PPIL6: variants seen among roughly 807,000 people sequenced by gnomAD.
The protein encoded by PPIL6 is probable inactive peptidyl-prolyl cis-trans isomerase-like 6.
A neutral mutation model predicts 36.8 loss-of-function variants in PPIL6; 39 were observed. That is an observed-to-expected ratio of 1.06 (90% CI 0.82 to 1.38). The LOEUF is 1.38. Among genes scored for constraint, PPIL6 ranks in the 40% most tolerant of loss-of-function variants. PPIL6 has a pLI of 0.00. For synonymous variants in PPIL6, 123 were observed against 134.1 expected (o/e 0.92, Z 0.57); for missense variants, 368 against 379.1 (o/e 0.97, Z 0.24).
At chr6:109,394,999 T>A (rs1772237332) in intron 7 of PPIL6, among the ~76,000 whole-genome samples, 2 of 152,186 alleles carry the variant, frequency 1.3e-5, no homozygotes, top group South Asian at 4.1e-4. Flanking sequence ...CCTCCTTATA[T>A]TCTCTATCTT....
At chr6:109,419,584 G>A (rs930881728) in intron 5 of PPIL6, among the ~76,000 whole-genome samples, 11 of 151,958 alleles carry the variant, frequency 7.2e-5, no homozygotes, top group South Asian at 2.1e-4. Context: ...TTAGCTGGGC[G>A]TGGTGGCATG....
At chr6:109,423,352 C>A (rs189232797) in intron 5 of PPIL6, among the ~76,000 whole-genome samples, 1 of 151,456 alleles carries the variant, frequency 6.6e-6, no homozygotes, top group South Asian at 2.1e-4. Flanking sequence ...GATGACGGAG[C>A]GAAACTCTGC....
At chr6:109,426,504 T>C (rs1223753514) in intron 5 of PPIL6, among the ~76,000 whole-genome samples, 2 of 148,438 alleles carry the variant, frequency 1.3e-5, no homozygotes, top group East Asian at 1.9e-4. Context: ...ACTCTTAGCA[T>C]ACTTATTAAA....
Position 109,427,087 on chromosome 6 carries a change from G to A in PPIL6, c.483+7C>T. ...CCCACAAACTTACATATAAAAAAAA[G>A]TATCACCTCAAAAATCAATCTTCCA... is the stretch of plus-strand genomic sequence containing the variant. On this transcript the variant is annotated splice_region_variant and intron_variant, in intron 4 of 7. Transcript: ENST00000521072. The A allele has an allele frequency of 6.2e-7, 1 of 1,605,508 alleles. No individual in the cohort carries two copies. Among genetic ancestry groups the A allele is most frequent in the Non-Finnish European group, 8.5e-7 (1 of 1,172,872 alleles).
At chr6:109,422,165 C>T (rs986376283) in intron 5 of PPIL6, among the ~76,000 whole-genome samples, 7 of 152,110 alleles carry the variant, frequency 4.6e-5, no homozygotes, top group Non-Finnish European at 7.3e-5. Flanking sequence ...CGTGAGCCAC[C>T]GTGCCTGGCC....
At chr6:109,429,323 C>T (rs937970163) in intron 3 of PPIL6, among the ~76,000 whole-genome samples, 8 of 152,348 alleles carry the variant, frequency 5.3e-5, no homozygotes, top group East Asian at 1.9e-4. Flanking sequence ...CAGAGGATTA[C>T]GTCATACTCT....
upstream of PPIL6, chr6:109,440,629 G>A (rs1374585767): frequency 8.3e-7 from 1 of 1,202,674 alleles, no homozygotes; most frequent in African/African-American, 1.6e-5. Flanking sequence ...CAAACACTGC[G>A]CGTCGCTCCG....
chr6:109,436,624 G>A (rs1034952390), intron 1 of PPIL6, among the ~76,000 whole-genome samples: 3 of 152,280 alleles, frequency 2.0e-5, no homozygotes, highest in Admixed American at 2.0e-4. Flanking sequence ...GGGAGGCTGA[G>A]GCAAGAGAAT....
chr6:109,398,629 A>G (rs1173338109), intron 7 of PPIL6, among the ~76,000 whole-genome samples: 1 of 152,238 alleles, frequency 6.6e-6, no homozygotes, highest in Non-Finnish European at 1.5e-5. Context: ...GGCTTTAAGC[A>G]TCTTGCTAAT....
At chr6:109,422,182 A>T (rs1191879469) in intron 5 of PPIL6, among the ~76,000 whole-genome samples, 1 of 152,116 alleles carries the variant, frequency 6.6e-6, no homozygotes, top group Non-Finnish European at 1.5e-5. Context: ...GGCCTACAAA[A>T]ATTTTTAAAA....
At position 109,440,517 on chromosome 6, in the gene PPIL6, T is replaced by G. The variant is rs1205778683; in HGVS notation, c.74A>C (p.Gln25Pro). The change falls in exon 1 of 8, where the codon CAG becomes CCG. Residue 25 changes from glutamine to proline, a missense_variant. Coordinates refer to ENST00000521072, the MANE Select transcript of PPIL6 (RefSeq NM_173672.5). Reference protein sequence around the residue: ...GSPSLPERPLQVKVVGLFSCP... With the variant: ...GSPSLPERPLPVKVVGLFSCP... ...GCTGAAGAGCCCCACCACCTTCACC[T>G]GCAGCGGCCGCTCCGGCAGCGACGG... 6.6e-6 allele frequency: 10 copies of G among 1,512,106 alleles called. No homozygotes were observed. The highest frequency in any genetic ancestry group is 8.8e-6 in the Non-Finnish European group (10 of 1,131,068). 93.7% of individuals were successfully genotyped at this position (1,512,106 alleles called of 1,614,324 possible).
intron 5 of PPIL6, among the ~76,000 whole-genome samples, chr6:109,425,851 T>C (rs964911927): frequency 4.0e-5 from 6 of 151,630 alleles, no homozygotes; most frequent in African/African-American, 9.7e-5. Flanking sequence ...CAGGACCCCT[T>C]GAGAAATGTT....
rs1226973780 is a variant in PPIL6 at position 109,390,452 on chromosome 6, A to G, written c.*2374T>C. On this transcript the variant is annotated 3_prime_UTR_variant, in exon 8 of 8. Coordinates refer to ENST00000521072, the MANE Select transcript of PPIL6 (RefSeq NM_173672.5). ...TGGCCCTAGAACACACATTCTTAAC[A>G]CTATGTTGCTCTGGGTCAGTTGAGA... The G allele has an allele frequency of 6.6e-6, 1 of 152,156 alleles. No homozygotes were observed. The highest frequency in any genetic ancestry group is 1.5e-5 in the Non-Finnish European group (1 of 68,036). The allele number at this position is 152,156 out of a possible 1,614,324, so 9.4% of individuals were successfully genotyped here.
chr6:109,423,435 C>G (rs1409458190), intron 5 of PPIL6, among the ~76,000 whole-genome samples: 1 of 151,752 alleles, frequency 6.6e-6, no homozygotes, highest in Non-Finnish European at 1.5e-5. Context: ...ATAAAATTTT[C>G]CTCTATCCAT....
At chr6:109,415,773 C>T (rs1773222758) in intron 6 of PPIL6, among the ~76,000 whole-genome samples, 1 of 152,110 alleles carries the variant, frequency 6.6e-6, no homozygotes, top group Non-Finnish European at 1.5e-5. Flanking sequence ...CCATAGAGTA[C>T]CATGTGTAAT....
chr6:109,400,278 A>G (rs1772476007), intron 6 of PPIL6, 108 bp from the exon 7 acceptor site: 1 of 819,858 alleles, frequency 1.2e-6, no homozygotes, highest in East Asian at 2.6e-5. Flanking sequence ...AATCATATTT[A>G]TCAATGGATT....
At chr6:109,400,256 G>T in intron 6 of PPIL6, 86 bp from the exon 7 acceptor site, 1 of 1,034,828 alleles carries the variant, frequency 9.7e-7, no homozygotes, top group South Asian at 1.9e-5. Flanking sequence ...TAGAACCCTT[G>T]GTAACACTCT....
In PPIL6 at chr6:109,440,498, G is replaced by A. The variant is rs1168531457; in HGVS notation, c.93C>T (p.Leu31=). ...ERPLQVKVVG[L]FSCPNFQIAK... ...CAATCTGAAAGTTGGGGCAGCTGAA[G>A]AGCCCCACCACCTTCACCTGCAGCG... The change falls in exon 1 of 8, where the codon CTC becomes CTT. Residue 31 remains leucine, a synonymous_variant. Transcript: ENST00000521072. 6.5e-7 allele frequency: 1 copy of A among 1,538,918 alleles called. No homozygotes were observed. The highest frequency in any genetic ancestry group is 8.8e-7 in the Non-Finnish European group (1 of 1,142,248).
intron 6 of PPIL6, among the ~76,000 whole-genome samples, chr6:109,409,749 G>GA (rs2115218244): frequency 1.3e-5 from 2 of 152,102 alleles, no homozygotes; most frequent in East Asian, 3.9e-4. Flanking sequence ...TGAACAATCT[G>GA]AAAAAGAAAT....
Sources: gnomAD v4.1 joint callset for allele counts (sites outside exome capture counted in the v4.1 genomes callset) on GRCh38, gnomAD v4.1.1 for gene constraint, MANE v1.5 for transcripts, NCBI Gene and HGNC (gene_info 2026-07-23, HGNC 2026-07-21) for gene names.